The following RNF220 variants were observed in gnomAD, a reference collection of about 807,000 sequenced individuals.
The protein encoded by RNF220 is ring finger protein 220, also known as E3 ubiquitin-protein ligase RNF220.
A neutral mutation model predicts 67.1 loss-of-function variants in RNF220; 7 were observed. The observed-to-expected ratio is 0.10, with a 90% CI of 0.06 to 0.20. The LOEUF is 0.20. RNF220 is among the 10% of genes least tolerant of loss of function. RNF220 has a pLI of 1.00. For missense variants in RNF220, 565 were observed against 740.3 expected (o/e 0.76, Z 2.75); for synonymous variants, 270 against 283.2 (o/e 0.95, Z 0.47).
At chr1:44,436,849 T>A (rs1651025397) in intron 2 of RNF220, among the ~76,000 whole-genome samples, 1 of 152,150 alleles carries the variant, frequency 6.6e-6, no homozygotes, top group Admixed American at 6.6e-5. Context: ...TCTCGTCTGT[T>A]TACCCCTGGC....
intron 2 of RNF220, among the ~76,000 whole-genome samples, chr1:44,596,894 T>C (rs1279424450): frequency 1.3e-5 from 2 of 152,220 alleles, no homozygotes; most frequent in East Asian, 3.8e-4. Flanking sequence ...CCATTAGTGG[T>C]GATTAGTTAA....
chr1:44,635,371 C>G, intron 6 of RNF220, 174 bp from the exon 7 acceptor site: 1 of 996,588 alleles, frequency 1.0e-6, no homozygotes, highest in South Asian at 1.9e-5. Flanking sequence ...GTGCTCTTGG[C>G]AAAGCCCAGT....
intron 2 of RNF220, among the ~76,000 whole-genome samples, chr1:44,550,166 C>T (rs1662511949): frequency 6.6e-6 from 1 of 152,218 alleles, no homozygotes; most frequent in Admixed American, 6.5e-5. Flanking sequence ...CTGAGCCCTC[C>T]TGATTCCTGA....
intron 2 of RNF220, among the ~76,000 whole-genome samples, chr1:44,487,419 G>A (rs933727348): frequency 6.6e-6 from 1 of 151,322 alleles, no homozygotes; most frequent in South Asian, 2.1e-4. Context: ...CAGAAGTAAG[G>A]ACTATACCCT....
intron 2 of RNF220, among the ~76,000 whole-genome samples, chr1:44,434,090 C>T (rs1650695387): frequency 6.6e-6 from 1 of 151,840 alleles, no homozygotes; most frequent in African/African-American, 2.4e-5. Context: ...TAAAAAATGA[C>T]CTGCTGTGTC....
intron 1 of RNF220, among the ~76,000 whole-genome samples, chr1:44,408,386 T>C (rs1464377844): frequency 6.6e-6 from 1 of 152,222 alleles, no homozygotes; most frequent in African/African-American, 2.4e-5. Context: ...GGAACTGTGT[T>C]AGCCTTATGT....
At chr1:44,636,605 C>T (rs114207982) in intron 8 of RNF220, 138 of 607,474 alleles carry the variant, frequency 2.3e-4, no homozygotes, top group African/African-American at 2.2e-3. Flanking sequence ...TCCTCCTCCT[C>T]CTCTTCAGCC....
chr1:44,644,857 G>A, intron 9 of RNF220, 63 bp downstream of exon 9: 3 of 1,540,678 alleles, frequency 1.9e-6, no homozygotes, highest in Non-Finnish European at 9.0e-7. Flanking sequence ...AATAAGAAAA[G>A]TAGCTCTTCT....
chr1:44,572,977 A>T, intron 2 of RNF220: 1 of 411,506 alleles, frequency 2.4e-6, no homozygotes, highest in Non-Finnish European at 4.9e-6. Context: ...GGAGACTTGA[A>T]AGAGAAGTTC....
At chr1:44,514,088 A>G (rs1331105463) in intron 2 of RNF220, among the ~76,000 whole-genome samples, 1 of 152,108 alleles carries the variant, frequency 6.6e-6, no homozygotes, top group Non-Finnish European at 1.5e-5. Context: ...GCTTAGTCCT[A>G]AATATAACCA....
intron 2 of RNF220, among the ~76,000 whole-genome samples, chr1:44,587,623 C>G (rs140854059): frequency 5.3e-5 from 8 of 152,266 alleles, no homozygotes; most frequent in African/African-American, 1.7e-4. Flanking sequence ...TGTAGTCTAG[C>G]TCTCTGGTGG....
At chr1:44,647,962 G>A (rs61789882) in intron 12 of RNF220, among the ~76,000 whole-genome samples, 8 of 152,148 alleles carry the variant, frequency 5.3e-5, no homozygotes, top group South Asian at 4.1e-4. Context: ...TGCTGTCCAC[G>A]AGATAAACTT....
intron 2 of RNF220, among the ~76,000 whole-genome samples, chr1:44,583,196 A>T (rs533467079): frequency 4.1e-4 from 63 of 151,966 alleles, no homozygotes; most frequent in African/African-American, 1.5e-3. Flanking sequence ...TTCTCTTTTG[A>T]ATTTTGCTTC....
At chr1:44,434,545 A>G (rs926748067) in intron 2 of RNF220, among the ~76,000 whole-genome samples, 6 of 151,986 alleles carry the variant, frequency 3.9e-5, no homozygotes, top group African/African-American at 1.2e-4. Context: ...CGTCTCTACT[A>G]AAAATACAAC....
chr1:44,560,322 G>T (rs1663465799), intron 2 of RNF220, among the ~76,000 whole-genome samples: 1 of 152,134 alleles, frequency 6.6e-6, no homozygotes, highest in South Asian at 2.1e-4. Flanking sequence ...GGAAGGGCAG[G>T]TGCTGTTTCC....
intron 2 of RNF220, among the ~76,000 whole-genome samples, chr1:44,555,183 T>A (rs1453316201): frequency 2.0e-5 from 3 of 151,932 alleles, no homozygotes; most frequent in Non-Finnish European, 4.4e-5. Flanking sequence ...TTCTCCTACC[T>A]CAACCTCCTG....
chr1:44,561,463 C>T (rs372845124), intron 2 of RNF220, among the ~76,000 whole-genome samples: 9 of 152,158 alleles, frequency 5.9e-5, no homozygotes, highest in East Asian at 5.8e-4. Context: ...GAGCCCAGAT[C>T]GCGCCACTGC....
At chr1:44,416,053 C>T (rs1329837927) in intron 2 of RNF220, among the ~76,000 whole-genome samples, 1 of 152,226 alleles carries the variant, frequency 6.6e-6, no homozygotes, top group Admixed American at 6.5e-5. Context: ...GTTTGCTTGC[C>T]TGTCCATCCA....
At chr1:44,513,929 C>T (rs879500350) in intron 2 of RNF220, among the ~76,000 whole-genome samples, 11 of 152,148 alleles carry the variant, frequency 7.2e-5, no homozygotes, top group Non-Finnish European at 1.6e-4. Context: ...TTGGAAGTTT[C>T]CCTTCAGGAA....
Sources: gnomAD v4.1 joint callset for allele counts (sites outside exome capture counted in the v4.1 genomes callset) on GRCh38, gnomAD v4.1.1 for gene constraint, MANE v1.5 for transcripts, NCBI Gene and HGNC (gene_info 2026-07-23, HGNC 2026-07-21) for gene names.